ROBO2: variants seen among roughly 807,000 people sequenced by gnomAD.
ROBO2 encodes the protein roundabout guidance receptor 2, also known as roundabout homolog 2.
A neutral mutation model predicts 160.8 loss-of-function variants in ROBO2; 53 were observed. That is an observed-to-expected ratio of 0.33 (90% CI 0.26 to 0.41). ROBO2 has a LOEUF of 0.41. Ranked by LOEUF, ROBO2 falls within the 10% of genes least tolerant of loss-of-function variation. The pLI, the probability that ROBO2 is intolerant of heterozygous loss-of-function variation, is 1.00. For missense variants in ROBO2, 1,577 were observed against 1,722.4 expected (o/e 0.92, Z 1.49); for synonymous variants, 664 against 611.7 (o/e 1.09, Z -1.26).
chr3:76,388,598 C>G (rs1455635211), intron 2 of ROBO2, among the ~76,000 whole-genome samples: 1 of 152,114 alleles, frequency 6.6e-6, no homozygotes, highest in Non-Finnish European at 1.5e-5. Context: ...TCCCTACAGC[C>G]AAATTTCATT....
chr3:76,696,664 T>G (rs1659491265), intron 2 of ROBO2, among the ~76,000 whole-genome samples: 2 of 152,208 alleles, frequency 1.3e-5, no homozygotes, highest in South Asian at 4.1e-4. Context: ...CAGAATAACT[T>G]CTTGTTTGTG....
chr3:77,564,127 G>T (rs1053376412), intron 11 of ROBO2, among the ~76,000 whole-genome samples: 20 of 151,968 alleles, frequency 1.3e-4, no homozygotes, highest in African/African-American at 4.6e-4. Context: ...TTAAGGTAAT[G>T]CTAGGTACTT....
At chr3:76,417,056 T>G (rs2075786021) in intron 2 of ROBO2, among the ~76,000 whole-genome samples, 1 of 148,956 alleles carries the variant, frequency 6.7e-6, no homozygotes, top group Non-Finnish European at 1.5e-5. Context: ...CATGGCATCC[T>G]TAGCATAAAT....
chr3:77,562,697 G>T (rs764800205), exon 10 of ROBO2: 1 of 1,612,748 alleles, frequency 6.2e-7, no homozygotes, highest in Non-Finnish European at 8.5e-7. Context: ...AGTTCAAGTG[G>T]AGAGACTTCC....
At chr3:77,085,232 T>G (rs1337717138) in intron 1 of ROBO2, among the ~76,000 whole-genome samples, 1 of 152,108 alleles carries the variant, frequency 6.6e-6, no homozygotes, top group Non-Finnish European at 1.5e-5. Flanking sequence ...CTGGAGAAAA[T>G]GTTTTTATTA....
intron 2 of ROBO2, among the ~76,000 whole-genome samples, chr3:76,365,505 C>G (rs143538545): frequency 6.6e-6 from 1 of 151,902 alleles, no homozygotes; most frequent in African/African-American, 2.4e-5. Context: ...TACTCATAGC[C>G]GGGTGAGAGC....
At chr3:76,732,716 T>A (rs2093655119) in intron 2 of ROBO2, among the ~76,000 whole-genome samples, 1 of 152,150 alleles carries the variant, frequency 6.6e-6, no homozygotes, top group Non-Finnish European at 1.5e-5. Context: ...TGTGTAATGA[T>A]GAGGACTGAC....
intron 2 of ROBO2, among the ~76,000 whole-genome samples, chr3:76,312,640 A>G (rs1358578817): frequency 6.6e-6 from 1 of 152,196 alleles, no homozygotes; most frequent in Non-Finnish European, 1.5e-5. Flanking sequence ...TGCAAACTGC[A>G]AGCAGTTATT....
At chr3:76,898,097 A>C (rs1293330638) in intron 2 of ROBO2, among the ~76,000 whole-genome samples, 5 of 152,104 alleles carry the variant, frequency 3.3e-5, no homozygotes, top group Non-Finnish European at 4.4e-5. Flanking sequence ...TCCTCCACAG[A>C]ATTGACAATA....
chr3:76,837,046 T>C (rs2067764427), intron 2 of ROBO2, among the ~76,000 whole-genome samples: 1 of 151,854 alleles, frequency 6.6e-6, no homozygotes, highest in South Asian at 2.1e-4. Context: ...TATGAGAAAA[T>C]GTCCTTTACG....
intron 2 of ROBO2, among the ~76,000 whole-genome samples, chr3:76,559,409 G>T (rs976678200): frequency 2.0e-5 from 3 of 152,102 alleles, no homozygotes; most frequent in Non-Finnish European, 4.4e-5. Context: ...CAATCAATTG[G>T]CATGGGTGTA....
chr3:76,233,677 AAG>A lies in ROBO2; in HGVS notation c.109+296076_109+296077del, dbSNP rs1430528584. On this transcript the variant is annotated intron_variant, in intron 2 of 26. Transcript: ENST00000487694. ...ACGTAATTACTAAGTTGTTAAATTC[AAG>A]CACGTCATTTCTTCATGCCCGGACT... Among the ~76,000 whole-genome samples the A allele has an allele frequency of 7.7e-4, 117 of 152,292 alleles. 1 individual carries two copies. The South Asian group carries it at 0.012, about 15-fold the overall frequency.
chr3:77,207,371 G>T (rs1294753668), intron 2 of ROBO2, among the ~76,000 whole-genome samples: 1 of 152,096 alleles, frequency 6.6e-6, no homozygotes, highest in Non-Finnish European at 1.5e-5. Flanking sequence ...TTCATAGTAA[G>T]CGTCAATTTA....
chr3:76,155,942 T>C (rs2072389254), intron 2 of ROBO2, among the ~76,000 whole-genome samples: 1 of 152,144 alleles, frequency 6.6e-6, no homozygotes, highest in Admixed American at 6.6e-5. Context: ...CCTTTCCCTG[T>C]CAAAGAAACT....
At chr3:76,743,128 T>G (rs1456448362) in intron 2 of ROBO2, among the ~76,000 whole-genome samples, 7 of 152,090 alleles carry the variant, frequency 4.6e-5, no homozygotes, top group African/African-American at 1.7e-4. Context: ...TCCCTCAACC[T>G]TAGAATACAA....
intron 2 of ROBO2, among the ~76,000 whole-genome samples, chr3:77,465,922 A>G (rs1582182647): frequency 6.6e-6 from 1 of 152,170 alleles, no homozygotes; most frequent in South Asian, 2.1e-4. Flanking sequence ...GGATATTTGC[A>G]TGTATAAAAA....
intron 2 of ROBO2, among the ~76,000 whole-genome samples, chr3:77,005,891 A>T (rs1374259857): frequency 6.6e-6 from 1 of 152,224 alleles, no homozygotes; most frequent in East Asian, 1.9e-4. Flanking sequence ...TTTGTCCTTC[A>T]AAGAATATAT....
intron 2 of ROBO2, among the ~76,000 whole-genome samples, chr3:76,738,864 T>C (rs2093756758): frequency 1.3e-5 from 2 of 152,142 alleles, no homozygotes; most frequent in South Asian, 4.1e-4. Flanking sequence ...TTAAAAATAC[T>C]ACTACATGTT....
intron 2 of ROBO2, among the ~76,000 whole-genome samples, chr3:75,999,960 T>C (rs768476615): frequency 8.5e-5 from 13 of 152,208 alleles, no homozygotes; most frequent in Non-Finnish European, 1.3e-4. Flanking sequence ...ATGGACATTG[T>C]CAATTCTTTA....
Sources: allele counts gnomAD v4.1 joint callset (sites outside exome capture counted in the v4.1 genomes callset), GRCh38; gene constraint gnomAD v4.1.1; transcripts MANE v1.5; gene names NCBI Gene and HGNC (gene_info 2026-07-23, HGNC 2026-07-21).